The following CACNA2D3 variants were observed in gnomAD, a reference collection of about 807,000 sequenced individuals.
The protein encoded by CACNA2D3 is calcium voltage-gated channel auxiliary subunit alpha2delta 3.
In CACNA2D3, 60 loss-of-function variants were observed where a neutral mutation model predicts 160.6. The observed-to-expected ratio is 0.37, with a 90% CI of 0.30 to 0.46. The LOEUF (loss-of-function observed/expected upper bound fraction) is 0.46. CACNA2D3 is among the 20% of genes least tolerant of loss of function. The probability of loss-of-function intolerance (pLI) is 1.00; values close to 1 mark genes in which losing one functional copy is unlikely to be tolerated. For missense variants in CACNA2D3, 1,205 were observed against 1,365.0 expected (o/e 0.88, Z 1.85); for synonymous variants, 558 against 492.9 (o/e 1.13, Z -1.75).
chr3:54,332,573 G>C (rs928147403), intron 3 of CACNA2D3, among the ~76,000 whole-genome samples: 7 of 152,234 alleles, frequency 4.6e-5, no homozygotes, highest in Admixed American at 2.0e-4. Context: ...AACCACAGCT[G>C]AGAATTGGAC....
intron 11 of CACNA2D3, among the ~76,000 whole-genome samples, chr3:54,667,592 A>C (rs1200671950): frequency 6.6e-6 from 1 of 152,242 alleles, no homozygotes; most frequent in Non-Finnish European, 1.5e-5. Flanking sequence ...TGAGTTAAAG[A>C]AAAGACACAG....
Position 54,719,291 on chromosome 3 carries a change from T to C in CACNA2D3, c.1168-33308T>C, listed in dbSNP as rs139124391. On this transcript the variant is annotated intron_variant, in intron 11 of 37. Coordinates refer to ENST00000474759, the MANE Select transcript of CACNA2D3 (RefSeq NM_018398.3). ...TTACTAGTTTTACCATTAAGTCTTA[T>C]GCTGCTTTTGATTTTCATACATATT... 8.6e-5 allele frequency among the ~76,000 whole-genome samples: 13 copies of C among 152,038 alleles called. 1 individual carries two copies. In the South Asian group the frequency reaches 2.7e-3, roughly 32 times the overall value.
chr3:54,294,386 G>C (rs1163417597), intron 2 of CACNA2D3, among the ~76,000 whole-genome samples: 1 of 152,198 alleles, frequency 6.6e-6, no homozygotes, highest in African/African-American at 2.4e-5. Context: ...GTGACAAGAA[G>C]ACGTCTGTGC....
At chr3:54,445,436 A>G (rs1700205950) in intron 4 of CACNA2D3, among the ~76,000 whole-genome samples, 1 of 152,208 alleles carries the variant, frequency 6.6e-6, no homozygotes, top group African/African-American at 2.4e-5. Context: ...TCTGAGCTGT[A>G]TTAATTCATA....
intron 14 of CACNA2D3, among the ~76,000 whole-genome samples, chr3:54,820,838 A>AAT (rs1429886624): frequency 6.6e-6 from 1 of 152,196 alleles, no homozygotes; most frequent in African/African-American, 2.4e-5. Context: ...GCCATTTACA[A>AAT]ATATATGTTC....
chr3:54,329,074 G>C (rs78928886), intron 3 of CACNA2D3, among the ~76,000 whole-genome samples: 1 of 152,162 alleles, frequency 6.6e-6, no homozygotes, highest in South Asian at 2.1e-4. Flanking sequence ...TGAGCACCCA[G>C]ACTGACCACC....
chr3:54,818,802 T>G (rs1703520072), intron 14 of CACNA2D3, among the ~76,000 whole-genome samples: 1 of 152,240 alleles, frequency 6.6e-6, no homozygotes, highest in Admixed American at 6.5e-5. Context: ...ATTGTCTTTT[T>G]TCTGTTAAAA....
At chr3:54,573,047 A>G (rs1239085182) in intron 8 of CACNA2D3, among the ~76,000 whole-genome samples, 1 of 152,182 alleles carries the variant, frequency 6.6e-6, no homozygotes, top group Non-Finnish European at 1.5e-5. Flanking sequence ...AGAGTTAAGA[A>G]AAAAAATTTT....
chr3:54,355,145 G>A (rs1421768626), intron 3 of CACNA2D3, among the ~76,000 whole-genome samples: 5 of 152,184 alleles, frequency 3.3e-5, no homozygotes, highest in African/African-American at 1.2e-4. Flanking sequence ...GGAGATCAGG[G>A]GCAGTCTCTC....
chr3:54,143,431 A>G (rs1461723962), intron 2 of CACNA2D3, among the ~76,000 whole-genome samples: 5 of 152,202 alleles, frequency 3.3e-5, no homozygotes, highest in African/African-American at 9.6e-5. Context: ...AATAATGGAT[A>G]AATCAAAAAG....
intron 27 of CACNA2D3, among the ~76,000 whole-genome samples, chr3:54,903,094 G>T (rs538369616): frequency 1.3e-5 from 2 of 152,032 alleles, no homozygotes; most frequent in Non-Finnish European, 2.9e-5. Context: ...ACACGTGCAC[G>T]TTTGTTACAT....
At chr3:54,864,064 T>C (rs927827931) in intron 17 of CACNA2D3, among the ~76,000 whole-genome samples, 3 of 152,156 alleles carry the variant, frequency 2.0e-5, no homozygotes, top group African/African-American at 7.2e-5. Context: ...TTGGGCATCT[T>C]GTCTAGAGAA....
chr3:54,645,764 T>C (rs1163538204), intron 11 of CACNA2D3, among the ~76,000 whole-genome samples: 1 of 152,188 alleles, frequency 6.6e-6, no homozygotes, highest in Non-Finnish European at 1.5e-5. Context: ...AGGAACTGTC[T>C]TAAGGAAGTA....
chr3:54,823,942 A>C lies in CACNA2D3; in HGVS notation c.1398+7072A>C, dbSNP rs1269041353. 3.3e-5 allele frequency among the ~76,000 whole-genome samples: 5 copies of C among 152,356 alleles called. No individual in the cohort carries two copies. The East Asian group carries it at 9.6e-4, about 29-fold the overall frequency. ...ATGATTATATTTGTAGTAATGAACT[A>C]ATTGTTTTACTCATAAATACACTAA... On this transcript the variant is annotated intron_variant, in intron 14 of 37. Transcript: ENST00000474759.
intron 11 of CACNA2D3, among the ~76,000 whole-genome samples, chr3:54,729,642 G>C (rs971860386): frequency 3.3e-5 from 5 of 152,216 alleles, no homozygotes; most frequent in Non-Finnish European, 7.4e-5. Flanking sequence ...TCTGTTCGGT[G>C]GGTCTTCCCA....
chr3:55,026,112 C>T (rs1703559635), intron 35 of CACNA2D3, among the ~76,000 whole-genome samples: 1 of 152,160 alleles, frequency 6.6e-6, no homozygotes, highest in Non-Finnish European at 1.5e-5. Context: ...GACCCCCACA[C>T]CTGCCCTCCT....
chr3:54,407,690 C>T (rs1345532392), intron 4 of CACNA2D3, among the ~76,000 whole-genome samples: 1 of 151,970 alleles, frequency 6.6e-6, no homozygotes, highest in Non-Finnish European at 1.5e-5. Flanking sequence ...TTGTGTTAAC[C>T]AGTTATTTGG....
chr3:54,203,065 G>A (rs978285966), intron 2 of CACNA2D3, among the ~76,000 whole-genome samples: 1 of 152,190 alleles, frequency 6.6e-6, no homozygotes, highest in Non-Finnish European at 1.5e-5. Flanking sequence ...ATGTCAGCCC[G>A]ACTGGCCACG....
intron 24 of CACNA2D3, among the ~76,000 whole-genome samples, chr3:54,888,564 T>G (rs1247120299): frequency 6.6e-6 from 1 of 152,224 alleles, no homozygotes; most frequent in African/African-American, 2.4e-5. Flanking sequence ...CTTATTATTA[T>G]TTCTTTACCA....
Sources: gnomAD v4.1 joint callset for allele counts (sites outside exome capture counted in the v4.1 genomes callset) on GRCh38, gnomAD v4.1.1 for gene constraint, MANE v1.5 for transcripts, NCBI Gene and HGNC (gene_info 2026-07-23, HGNC 2026-07-21) for gene names.